NDST4: variants seen among roughly 807,000 people sequenced by gnomAD.
NDST4 encodes the protein N-heparan sulfate sulfotransferase 4.
NDST4 carries 63 observed loss-of-function variants against 100.8 expected under a neutral mutation model. That is an observed-to-expected ratio of 0.62 (90% CI 0.51 to 0.77). The LOEUF is 0.77. Ranked by LOEUF, NDST4 falls within the 30% of genes least tolerant of loss-of-function variation. The probability of loss-of-function intolerance (pLI) is 0.00; values close to 1 mark genes in which losing one functional copy is unlikely to be tolerated. For missense variants in NDST4, 943 were observed against 1,018.4 expected (o/e 0.93, Z 1.01); for synonymous variants, 377 against 361.8 (o/e 1.04, Z -0.48).
chr4:115,004,739 T>C lies in NDST4; in HGVS notation c.979-27465A>G, dbSNP rs1178067282. Among the ~76,000 whole-genome samples the C allele has an allele frequency of 2.0e-5, 3 of 152,204 alleles. No individual in the cohort carries two copies. The East Asian group carries it at 5.8e-4, about 29-fold the overall frequency. ...TCCAGTGAGTTGTATAAGACATGTA[T>C]GGTGTTTCTTTAGTACTTAATATTT... On this transcript the variant is annotated intron_variant, in intron 2 of 13. Transcript: ENST00000264363.
At chr4:115,073,717 G>C (rs554915) in intron 2 of NDST4, among the ~76,000 whole-genome samples, 25,873 of 151,798 alleles carry the variant, frequency 0.17, 2,643 homozygotes, top group East Asian at 0.46. Flanking sequence ...ATTGGAAGAA[G>C]AAGTTGAAGA....
intron 1 of NDST4, among the ~76,000 whole-genome samples, chr4:115,111,747 A>G (rs1464298329): frequency 6.6e-6 from 1 of 151,728 alleles, no homozygotes; most frequent in Non-Finnish European, 1.5e-5. Flanking sequence ...GTTTTTATGT[A>G]TCAGTCTTAG....
At chr4:115,034,037 C>T (rs550509202) in intron 2 of NDST4, among the ~76,000 whole-genome samples, 2 of 152,068 alleles carry the variant, frequency 1.3e-5, no homozygotes, top group South Asian at 4.2e-4. Context: ...CAGTAAAAGC[C>T]TCAAATGCCC....
intron 7 of NDST4, among the ~76,000 whole-genome samples, chr4:114,869,823 C>T (rs1724109078): frequency 6.6e-6 from 1 of 152,116 alleles, no homozygotes. Context: ...TCTAGCCTTA[C>T]CTTACACATA....
At chr4:114,850,943 T>C (rs1451358151) in intron 8 of NDST4, among the ~76,000 whole-genome samples, 3 of 152,204 alleles carry the variant, frequency 2.0e-5, no homozygotes, top group Non-Finnish European at 2.9e-5. Context: ...CCATCATCTC[T>C]GCCTATTTCT....
intron 12 of NDST4, among the ~76,000 whole-genome samples, chr4:114,831,209 C>CAA (rs1167858180): frequency 4.1e-5 from 6 of 147,872 alleles, no homozygotes; most frequent in Admixed American, 2.0e-4. Context: ...CCCGCCACGG[C>CAA]GCCCGGCTAA....
At chr4:115,104,100 A>G (rs530247428) in intron 1 of NDST4, among the ~76,000 whole-genome samples, 22 of 152,286 alleles carry the variant, frequency 1.4e-4, no homozygotes, top group African/African-American at 5.1e-4. Context: ...TTATATTCAA[A>G]ATATATTTTG....
chr4:114,965,332 C>T (rs1323244143), intron 4 of NDST4, among the ~76,000 whole-genome samples: 1 of 151,982 alleles, frequency 6.6e-6, no homozygotes, highest in Non-Finnish European at 1.5e-5. Flanking sequence ...TAATATGACA[C>T]ATACATAGCT....
At chr4:114,918,309 A>G (rs1245722638) in intron 6 of NDST4, among the ~76,000 whole-genome samples, 1 of 149,406 alleles carries the variant, frequency 6.7e-6, no homozygotes, top group Non-Finnish European at 1.5e-5. Flanking sequence ...GTGTTCTCAG[A>G]AAGATGTTGT....
chr4:115,055,440 A>T (rs1728674001), intron 2 of NDST4, among the ~76,000 whole-genome samples: 1 of 152,018 alleles, frequency 6.6e-6, no homozygotes, highest in Admixed American at 6.6e-5. Flanking sequence ...TAGGTTGCTA[A>T]ATATAAAGTT....
intron 6 of NDST4, among the ~76,000 whole-genome samples, chr4:114,883,631 CACAAATTA>C (rs1207969837): frequency 6.6e-6 from 1 of 152,024 alleles, no homozygotes; most frequent in African/African-American, 2.4e-5. Flanking sequence ...TGTCTAAATA[CACAAATTA>C]AGAAAACAAA....
chr4:114,893,499 T>C (rs988175438), intron 6 of NDST4, among the ~76,000 whole-genome samples: 2 of 151,366 alleles, frequency 1.3e-5, no homozygotes, highest in African/African-American at 4.8e-5. Context: ...TGATCAGTGA[T>C]GTTGATCTTT....
Position 114,899,265 on chromosome 4 carries a change from C to T in NDST4, c.1537-28315G>A, listed in dbSNP as rs546537416. Among the ~76,000 whole-genome samples the T allele has an allele frequency of 5.9e-5, 9 of 152,250 alleles. 1 individual carries two copies. Among genetic ancestry groups the T allele is most frequent in the African/African-American group, 1.9e-4 (8 of 41,564 alleles). ...CAATCTGGGCTCACTGCAACCTCCG[C>T]CTCCCAGGTTCAAGGCATTCTCCTG... On this transcript the variant is annotated intron_variant, in intron 6 of 13. Coordinates refer to ENST00000264363, the MANE Select transcript of NDST4 (RefSeq NM_022569.3).
intron 2 of NDST4, among the ~76,000 whole-genome samples, chr4:115,001,008 T>C (rs1400484712): frequency 6.6e-6 from 1 of 152,068 alleles, no homozygotes; most frequent in African/African-American, 2.4e-5. Context: ...ACTAATCCCA[T>C]TCATGAGGCC....
chr4:114,978,064 C>G, intron 2 of NDST4, among the ~76,000 whole-genome samples: 1 of 151,982 alleles, frequency 6.6e-6, no homozygotes. Context: ...TAGCATAATT[C>G]AGAACCCTTA....
intron 2 of NDST4, among the ~76,000 whole-genome samples, chr4:114,989,532 T>G (rs941544262): frequency 6.6e-6 from 1 of 152,184 alleles, no homozygotes; most frequent in Non-Finnish European, 1.5e-5. Flanking sequence ...AACAAAGAAA[T>G]TACTAATACA....
At chr4:115,085,998 T>C (rs1729403109) in intron 1 of NDST4, among the ~76,000 whole-genome samples, 1 of 152,176 alleles carries the variant, frequency 6.6e-6, no homozygotes. Context: ...TGTAAGATTA[T>C]TGCTTATTCT....
chr4:114,967,320 T>C (rs1726405070), intron 4 of NDST4, among the ~76,000 whole-genome samples: 1 of 152,116 alleles, frequency 6.6e-6, no homozygotes. Context: ...CTATGTAAAA[T>C]ACAATAAGAT....
chr4:115,082,729 G>A (rs561695500), intron 1 of NDST4, among the ~76,000 whole-genome samples: 20 of 152,212 alleles, frequency 1.3e-4, no homozygotes, highest in East Asian at 5.8e-4. Flanking sequence ...GTTTAAGAAC[G>A]GAACTAAGAT....
Sources: gnomAD v4.1 joint callset for allele counts (sites outside exome capture counted in the v4.1 genomes callset) on GRCh38, gnomAD v4.1.1 for gene constraint, MANE v1.5 for transcripts, NCBI Gene and HGNC (gene_info 2026-07-23, HGNC 2026-07-21) for gene names.